Variants in KDM5B observed in about 807,000 individuals in gnomAD.
KDM5B encodes lysine-specific demethylase 5B.
A neutral mutation model predicts 193.4 loss-of-function variants in KDM5B; 144 were observed. That is an observed-to-expected ratio of 0.74 (90% confidence interval 0.65 to 0.86). The LOEUF (loss-of-function observed/expected upper bound fraction) is 0.86, where lower values mean the gene tolerates loss of function less well. Ranked by LOEUF, KDM5B falls within the 40% of genes least tolerant of loss-of-function variation. The probability of loss-of-function intolerance (pLI) is 0.00; values close to 1 mark genes in which losing one functional copy is unlikely to be tolerated. For missense variants in KDM5B, 1,833 were observed against 1,886.9 expected, an observed-to-expected ratio of 0.97 and a Z score of 0.53; for synonymous variants, 668 against 682.6, an observed-to-expected ratio of 0.98 and a Z score of 0.33.
intron 13 of KDM5B, among the ~76,000 whole-genome samples, chr1:202,750,413 G>A (rs1655742319): frequency 1.3e-5 from 2 of 151,830 alleles, no homozygotes; most frequent in East Asian, 1.9e-4. Flanking sequence ...CAAGTAATTG[G>A]GATTACAGGC....
chr1:202,794,834 T>C (rs1657774778), intron 1 of KDM5B, among the ~76,000 whole-genome samples: 1 of 152,222 alleles, frequency 6.6e-6, no homozygotes, highest in African/African-American at 2.4e-5. Flanking sequence ...TTTTTTCCTA[T>C]ACATACATAC....
chr1:202,767,099 T>C (rs760699827), intron 4 of KDM5B, 39 bp from the exon 5 acceptor site: 14 of 1,603,666 alleles, frequency 8.7e-6, no homozygotes, highest in Middle Eastern at 3.4e-4. Flanking sequence ...CCCTCCTTTT[T>C]TTTTTCACAT....
intron 20 of KDM5B, among the ~76,000 whole-genome samples, chr1:202,736,623 G>T (rs1218097680): frequency 7.2e-5 from 11 of 151,804 alleles, no homozygotes; most frequent in Middle Eastern, 6.8e-3. Flanking sequence ...TCTTTTGTTG[G>T]TGGTGGTGGT....
Position 202,730,995 on chromosome 1 carries a change from G to C in KDM5B, c.4090C>G (p.Gln1364Glu), listed in dbSNP as rs967880794. The C allele has an allele frequency of 1.2e-6, 2 of 1,613,820 alleles. No homozygotes were observed. Among genetic ancestry groups the C allele is most frequent in the Admixed American group, 1.7e-5 (1 of 59,988 alleles). Residue 1364 changes from glutamine (Q) to glutamate (E), a missense_variant, in exon 25 of 27, where the codon CAG becomes GAG. Coordinates refer to ENST00000367265, the MANE Select transcript of KDM5B (RefSeq NM_006618.5). ...QLLQVSLPEI[Q>E]ELYQTLLAKP... ...GCAAGTAAAGTCTGGTAAAGTTCCT[G>C]AATTTCAGGAAGGGATACCTGGAGC...
Position 202,741,671 on chromosome 1 carries a change from A to G in KDM5B, c.2641T>C (p.Ser881Pro). ...TCCGCAGCACTAGGCGTTTCCTCAG[A>G]GAGTAGTTTCTGACTATGCTGTTGA... ...DFQQHSQKLL[S>P]EETPSAAELQ... Residue 881 changes from serine to proline, a missense_variant, in exon 19 of 27, where the codon TCT becomes CCT. Coordinates refer to ENST00000367265, the MANE Select transcript of KDM5B (RefSeq NM_006618.5). 1 of 1,613,904 alleles carries G rather than the reference A, an allele frequency of 6.2e-7. No individual in the cohort carries two copies. Among genetic ancestry groups the G allele is most frequent in the Non-Finnish European group, 8.5e-7 (1 of 1,179,966 alleles).
At chr1:202,746,774 C>T (rs917535262) in intron 14 of KDM5B, among the ~76,000 whole-genome samples, 2 of 152,138 alleles carry the variant, frequency 1.3e-5, no homozygotes, top group Non-Finnish European at 2.9e-5. Flanking sequence ...AAAAGACTAT[C>T]GTGCAGAAAT....
chr1:202,767,144 C>CATGA, intron 4 of KDM5B, 84 bp from the exon 5 acceptor site: 1 of 1,591,034 alleles, frequency 6.3e-7, no homozygotes, highest in East Asian at 2.2e-5. Context: ...TAGCATGCCA[C>CATGA]ATGAGTTCGA....
At chr1:202,807,893 G>A (rs1317509719) in intron 1 of KDM5B, among the ~76,000 whole-genome samples, 1 of 151,796 alleles carries the variant, frequency 6.6e-6, no homozygotes, top group Non-Finnish European at 1.5e-5. Flanking sequence ...CGAAGCCCCC[G>A]GTTCTCCCAC....
chr1:202,728,489 T>A lies in KDM5B; in HGVS notation c.*547A>T, dbSNP rs998457558. 2 of 153,206 alleles carry A rather than the reference T, an allele frequency of 1.3e-5. No homozygotes were observed. Among genetic ancestry groups the A allele is most frequent in the African/African-American group, 4.8e-5 (2 of 41,442 alleles). The allele number at this position is 153,206 out of a possible 1,614,324, so 9.5% of individuals were successfully genotyped here. A position where few individuals can be genotyped will look rare whatever the true frequency, so the allele number is the denominator to read the frequency against. On this transcript the variant is annotated 3_prime_UTR_variant, in exon 27 of 27. Coordinates refer to ENST00000367265, the MANE Select transcript of KDM5B (RefSeq NM_006618.5). ...ACCAACATAGAAGTTATTGCTCAGATAAATAAACCTAGTCTACCAGGAAGA... is the reference window on the plus strand; with the variant it reads ...ACCAACATAGAAGTTATTGCTCAGAAAAATAAACCTAGTCTACCAGGAAGA...
intron 2 of KDM5B, among the ~76,000 whole-genome samples, chr1:202,776,535 G>A (rs2102303202): frequency 6.6e-6 from 1 of 152,154 alleles, no homozygotes; most frequent in South Asian, 2.1e-4. Flanking sequence ...AATTCTGTGT[G>A]TGTGTATCTT....
chr1:202,746,399 A>C, intron 14 of KDM5B, 76 bp from the exon 15 acceptor site: 1 of 834,800 alleles, frequency 1.2e-6, no homozygotes, highest in Non-Finnish European at 1.8e-6. Context: ...ATGCAGTAGT[A>C]CTTGAGTCTG....
chr1:202,777,954 C>T (rs1225331349), intron 1 of KDM5B, among the ~76,000 whole-genome samples: 1 of 152,064 alleles, frequency 6.6e-6, no homozygotes, highest in Non-Finnish European at 1.5e-5. Context: ...GAGGGTGGAT[C>T]ACCTGAGGTC....
At chr1:202,767,167 TC>T in intron 4 of KDM5B, 107 bp from the exon 5 acceptor site, 1 of 1,563,512 alleles carries the variant, frequency 6.4e-7, no homozygotes, top group East Asian at 2.2e-5. Flanking sequence ...TTGATCTACT[TC>T]CAGAGGCTGC....
chr1:202,778,156 C>T (rs1255155207), intron 1 of KDM5B, among the ~76,000 whole-genome samples: 2 of 151,226 alleles, frequency 1.3e-5, no homozygotes, highest in Non-Finnish European at 2.9e-5. Context: ...ACCTGGGCAA[C>T]AGAGCAAGAC....
rs1654971849 is a variant in KDM5B at position 202,733,519 on chromosome 1, T to G, written c.3791A>C (p.His1264Pro). Reference protein sequence around the residue: ...YMIERTVNWQHRAQQLLSSGN... With the variant: ...YMIERTVNWQPRAQQLLSSGN... Reference sequence around the variant, plus strand: ...TGACGAAAGCAGTTGCTGGGCTCTGTGCTGCCAGTTCACGGTTCTTTCAAT... The same window carrying G: ...TGACGAAAGCAGTTGCTGGGCTCTGGGCTGCCAGTTCACGGTTCTTTCAAT... The change falls in exon 23 of 27, where the codon CAC becomes CCC. Residue 1264 changes from histidine to proline, a missense_variant. Physicochemically the swap from His to Pro is moderately conservative, Grantham distance 77. Coordinates refer to ENST00000367265, the MANE Select transcript of KDM5B (RefSeq NM_006618.5). 1 of 1,614,062 alleles carries G rather than the reference T, an allele frequency of 6.2e-7. No homozygotes were observed.
rs185116953 is a variant in KDM5B at position 202,733,497 on chromosome 1, C to A, written c.3813G>T (p.Ser1271=). The A allele has an allele frequency of 8.1e-6, 13 of 1,614,124 alleles. No homozygotes were observed. Among genetic ancestry groups the A allele is most frequent in the Non-Finnish European group, 1.1e-5 (13 of 1,180,010 alleles). Reference sequence around the variant, plus strand: ...CTTGCACAAATTTAAGATTCCCTGACGAAAGCAGTTGCTGGGCTCTGTGCT... The same window carrying A: ...CTTGCACAAATTTAAGATTCCCTGAAGAAAGCAGTTGCTGGGCTCTGTGCT... ...NWQHRAQQLL[S]SGNLKFVQDR... The change falls in exon 23 of 27, where the codon TCG becomes TCT. Residue 1271 remains serine, a synonymous_variant. Transcript: ENST00000367265.
intron 14 of KDM5B, among the ~76,000 whole-genome samples, chr1:202,746,845 A>G (rs941079635): frequency 2.0e-5 from 3 of 152,230 alleles, no homozygotes; most frequent in Non-Finnish European, 4.4e-5. Flanking sequence ...ATGAAAGGAT[A>G]TCATTAACTG....
chr1:202,745,845 C>A lies in KDM5B; in HGVS notation c.2323+13G>T. ...AATTTGCCAATCACCAAGTCACTTT[C>A]TGTATCACATACTTTTCTTCTTGTT... is the stretch of plus-strand genomic sequence containing the variant. On this transcript the variant is annotated intron_variant, in intron 16 of 26. Transcript: ENST00000367265. 6.2e-7 allele frequency: 1 copy of A among 1,613,778 alleles called. No homozygotes were observed. Among genetic ancestry groups the A allele is most frequent in the Non-Finnish European group, 8.5e-7 (1 of 1,179,754 alleles).
At position 202,735,521 on chromosome 1, in the gene KDM5B, G is replaced by A. The variant is rs1414282328; in HGVS notation, c.3331C>T (p.Pro1111Ser). The A allele has an allele frequency of 6.2e-7, 1 of 1,613,846 alleles. No homozygotes were observed. The highest frequency in any genetic ancestry group is 8.5e-7 in the Non-Finnish European group (1 of 1,179,812). The part of the protein sequence containing the change: ...LKRKQRKLKE[P>S]LPNGKKKSTK... The stretch of plus-strand genomic sequence containing the variant: ...CTTTTTTTCTTTCCATTTGGCAAGG[G>A]CTCCTTTAACTTTCTCTGCTTCCTT... Residue 1111 changes from proline to serine, a missense_variant, in exon 22 of 27, where the codon CCC becomes TCC. By Grantham distance (74) the Pro-to-Ser change is moderately conservative (BLOSUM62 -1). This residue lies in a region of KDM5B where 1,379 missense variants were observed against 1,349.6 expected (regional missense o/e 1.02). Transcript: ENST00000367265.
Sources: gnomAD v4.1 joint callset for allele counts (sites outside exome capture counted in the v4.1 genomes callset) on GRCh38, gnomAD v4.1.1 for gene constraint, gnomAD v4.1.1 regional missense constraint, MANE v1.5 for transcripts, NCBI Gene and HGNC (gene_info 2026-07-23, HGNC 2026-07-21) for gene names.